The following NRG3 variants were observed in gnomAD, a reference collection of about 807,000 sequenced individuals.
NRG3 encodes the protein pro-neuregulin-3, membrane-bound isoform.
A neutral mutation model predicts 66.9 loss-of-function variants in NRG3; 31 were observed. The ratio of observed to expected loss-of-function variants is 0.46; its 90% CI spans 0.35 to 0.63. The LOEUF (loss-of-function observed/expected upper bound fraction) is 0.63. NRG3 is among the 20% of genes least tolerant of loss of function. The pLI is 0.00. For synonymous variants in NRG3, 393 were observed against 359.4 expected (o/e 1.09, Z -1.06); for missense variants, 910 against 878.9 (o/e 1.04, Z -0.45).
In NRG3 at chr10:82,610,101, C is replaced by T. The variant is rs74889383; in HGVS notation, c.954-128476C>T. On this transcript the variant is annotated intron_variant, in intron 2 of 8. Transcript: ENST00000372141. ...TTGCTGGCTGTCAGCCAGAACCTCT[C>T]TCACCCCATCGAGGGCCCCTGTATT... is the stretch of plus-strand genomic sequence containing the variant. 4.7e-3 allele frequency among the ~76,000 whole-genome samples: 720 copies of T among 152,290 alleles called. 4 individuals are homozygous for T. Among genetic ancestry groups the T allele is most frequent in the African/African-American group, 0.017 (691 of 41,560 alleles).
intron 1 of NRG3, among the ~76,000 whole-genome samples, chr10:82,338,807 A>G (rs2082526143): frequency 6.6e-6 from 1 of 152,172 alleles, no homozygotes; most frequent in African/African-American, 2.4e-5. Context: ...CACCTTATTC[A>G]TGTTCAAAAT....
intron 1 of NRG3, among the ~76,000 whole-genome samples, chr10:82,005,770 G>A (rs1227255224): frequency 1.3e-5 from 2 of 152,096 alleles, no homozygotes; most frequent in African/African-American, 4.8e-5. Context: ...TTAGCATGTT[G>A]TGCTGATTCA....
intron 1 of NRG3, among the ~76,000 whole-genome samples, chr10:81,956,557 C>G (rs78490019): frequency 2.8e-4 from 43 of 152,266 alleles, no homozygotes; most frequent in African/African-American, 9.4e-4. Context: ...ACCCATATAT[C>G]CTGTAACTGT....
intron 1 of NRG3, among the ~76,000 whole-genome samples, chr10:82,327,501 C>T (rs957067414): frequency 3.9e-5 from 6 of 152,154 alleles, no homozygotes; most frequent in Non-Finnish European, 7.3e-5. Context: ...TTGTAATGAT[C>T]TTAAAAACAA....
chr10:81,922,231 A>G (rs1846316475), intron 1 of NRG3, among the ~76,000 whole-genome samples: 1 of 152,120 alleles, frequency 6.6e-6, no homozygotes, highest in African/African-American at 2.4e-5. Flanking sequence ...CACTAACTTG[A>G]TCGTTTTTTA....
chr10:82,931,560 TCTC>T (rs1373062882), intron 4 of NRG3, among the ~76,000 whole-genome samples: 2 of 152,174 alleles, frequency 1.3e-5, no homozygotes, highest in Non-Finnish European at 2.9e-5. Flanking sequence ...TATCCTCACT[TCTC>T]CTTCTAGTTT....
intron 5 of NRG3, among the ~76,000 whole-genome samples, chr10:82,952,471 C>CTCTGTGTG (rs1454945180): frequency 4.5e-4 from 44 of 98,836 alleles, no homozygotes; most frequent in African/African-American, 7.5e-4. Flanking sequence ...CTCTCTCTCT[C>CTCTGTGTG]TGTGTGTGTG....
chr10:82,729,457 C>G (rs1325924875), intron 2 of NRG3, among the ~76,000 whole-genome samples: 1 of 151,718 alleles, frequency 6.6e-6, no homozygotes, highest in Non-Finnish European at 1.5e-5. Context: ...TTTTTTATAC[C>G]AGATGTGGTA....
At chr10:82,966,947 A>G (rs924672753) in intron 6 of NRG3, among the ~76,000 whole-genome samples, 1 of 151,774 alleles carries the variant, frequency 6.6e-6, no homozygotes, top group Non-Finnish European at 1.5e-5. Context: ...GTTGAGCACT[A>G]CAAGACACTC....
chr10:82,300,332 G>T (rs1289912247), intron 1 of NRG3, among the ~76,000 whole-genome samples: 1 of 152,138 alleles, frequency 6.6e-6, no homozygotes, highest in African/African-American at 2.4e-5. Context: ...GTGATTAATA[G>T]ATGATGGTTT....
chr10:82,410,930 A>T (rs1232917186), intron 2 of NRG3, among the ~76,000 whole-genome samples: 2 of 152,162 alleles, frequency 1.3e-5, no homozygotes, highest in Non-Finnish European at 2.9e-5. Flanking sequence ...TTGATAAAAT[A>T]TGGTATATTT....
At chr10:81,920,745 C>T (rs1172052922) in intron 1 of NRG3, among the ~76,000 whole-genome samples, 1 of 152,116 alleles carries the variant, frequency 6.6e-6, no homozygotes, top group Non-Finnish European at 1.5e-5. Context: ...TTTCACAAAA[C>T]ATGGGCTCAC....
chr10:82,392,896 A>ATTTTTT (rs565734964), intron 2 of NRG3, among the ~76,000 whole-genome samples: 1 of 149,768 alleles, frequency 6.7e-6, no homozygotes, highest in African/African-American at 2.5e-5. Flanking sequence ...ATATATATAT[A>ATTTTTT]TATTTTTTGC....
intron 2 of NRG3, among the ~76,000 whole-genome samples, chr10:82,622,995 C>T (rs2049143304): frequency 6.6e-6 from 1 of 151,708 alleles, no homozygotes; most frequent in Non-Finnish European, 1.5e-5. Flanking sequence ...AGGACATAAC[C>T]CCATTGTAAG....
intron 6 of NRG3, among the ~76,000 whole-genome samples, chr10:82,968,375 T>C (rs1223671656): frequency 6.6e-6 from 1 of 152,138 alleles, no homozygotes; most frequent in Non-Finnish European, 1.5e-5. Context: ...AGTTCTAAAA[T>C]AATAAATTCT....
chr10:82,834,039 A>T (rs531555495), intron 3 of NRG3, among the ~76,000 whole-genome samples: 5 of 152,134 alleles, frequency 3.3e-5, no homozygotes, highest in Non-Finnish European at 5.9e-5. Flanking sequence ...AAAAGCAGAG[A>T]TCAGCCAGTA....
At chr10:81,991,138 G>A (rs1239742183) in intron 1 of NRG3, among the ~76,000 whole-genome samples, 1 of 152,138 alleles carries the variant, frequency 6.6e-6, no homozygotes, top group East Asian at 1.9e-4. Flanking sequence ...ATGGGATATA[G>A]CTGGTTGATG....
intron 2 of NRG3, among the ~76,000 whole-genome samples, chr10:82,377,081 G>A (rs949898173): frequency 1.3e-5 from 2 of 152,158 alleles, no homozygotes; most frequent in Non-Finnish European, 2.9e-5. Flanking sequence ...TAATGCTTAT[G>A]TCTTTGATTG....
At chr10:82,859,706 T>C (rs1338912802) in intron 3 of NRG3, among the ~76,000 whole-genome samples, 2 of 152,234 alleles carry the variant, frequency 1.3e-5, no homozygotes, top group East Asian at 1.9e-4. Flanking sequence ...GCGGCAACTA[T>C]AGTTAATAAC....
Sources: gnomAD v4.1 joint callset for allele counts (sites outside exome capture counted in the v4.1 genomes callset) on GRCh38, gnomAD v4.1.1 for gene constraint, MANE v1.5 for transcripts, NCBI Gene and HGNC (gene_info 2026-07-23, HGNC 2026-07-21) for gene names.